XXYLT1: variants seen among roughly 807,000 people sequenced by gnomAD.
XXYLT1 encodes UDP-xylose:alpha-xyloside alpha-1,3-xylosyltransferase.
A neutral mutation model predicts 28.9 loss-of-function variants in XXYLT1; 20 were observed. The ratio of observed to expected loss-of-function variants is 0.69; its 90% confidence interval spans 0.49 to 1.00. The LOEUF is 1.00. Among genes scored for constraint, XXYLT1 ranks in the 50% least tolerant of loss-of-function variants. XXYLT1 has a pLI of 0.00. For missense variants in XXYLT1, 542 were observed against 560.1 expected (o/e 0.97, Z 0.33); for synonymous variants, 257 against 253.8 (o/e 1.01, Z -0.12).
At position 195,195,125 on chromosome 3, in the gene XXYLT1, T is replaced by G. The variant is rs1560146003; in HGVS notation, c.652+31584A>C. On this transcript the variant is annotated intron_variant, in intron 2 of 3. Coordinates refer to ENST00000310380, the MANE Select transcript of XXYLT1 (RefSeq NM_152531.5). The surrounding 1 kb of genome is among the most constrained non-coding windows in gnomAD (Gnocchi z 4.4). ...GTACATAAAAATTCTCTTTAAACCA[T>G]AAAACAGCAGCTGTTACTACAATGG... 6.6e-6 allele frequency among the ~76,000 whole-genome samples: 1 copy of G among 152,056 alleles called. No homozygotes were observed. The highest frequency in any genetic ancestry group is 2.4e-5 in the African/African-American group (1 of 41,372).
chr3:195,093,576 T>C (rs1716235245), intron 3 of XXYLT1, among the ~76,000 whole-genome samples: 1 of 150,384 alleles, frequency 6.6e-6, no homozygotes, highest in African/African-American at 2.5e-5. Context: ...ATATACCTAA[T>C]GCTAGATGAC....
In XXYLT1 at chr3:195,078,017, G is replaced by T. The variant is rs1217646794; in HGVS notation, c.786-7906C>A. ...CCCCGGAGCCTCGGCCCTGGGAGGG[G>T]CAAGGGACAGAGATGAGGGGGAAGA... On this transcript the variant is annotated intron_variant, in intron 3 of 3. Transcript: ENST00000310380. The surrounding 1 kb of genome is among the most constrained non-coding windows in gnomAD (Gnocchi z 5.0). Among the ~76,000 whole-genome samples, 2 of 152,196 alleles carry T rather than the reference G, an allele frequency of 1.3e-5. No homozygotes were observed. The highest frequency in any genetic ancestry group is 2.9e-5 in the Non-Finnish European group (2 of 68,042).
chr3:195,223,796 T>G (rs1723928976), intron 2 of XXYLT1, among the ~76,000 whole-genome samples: 1 of 152,224 alleles, frequency 6.6e-6, no homozygotes, highest in Admixed American at 6.5e-5. Flanking sequence ...CATTTTATTT[T>G]ATGACTATCA....
chr3:195,110,546 G>A (rs558230057), intron 3 of XXYLT1, among the ~76,000 whole-genome samples: 349 of 25,692 alleles, frequency 0.014, 63 homozygotes, highest in African/African-American at 0.032. Flanking sequence ...CGTGTGTGTG[G>A]TGTGTGTGTG....
chr3:195,249,090 A>G (rs970566417), intron 1 of XXYLT1, among the ~76,000 whole-genome samples: 4 of 152,190 alleles, frequency 2.6e-5, no homozygotes, highest in Admixed American at 2.0e-4. Context: ...TGCAGACGGA[A>G]TTGTAGATGC....
chr3:195,100,144 C>T (rs1716696665), intron 3 of XXYLT1, among the ~76,000 whole-genome samples: 1 of 152,176 alleles, frequency 6.6e-6, no homozygotes, highest in Non-Finnish European at 1.5e-5. Context: ...ATCTCCCCGC[C>T]ACCACCGTTC....
In XXYLT1 at chr3:195,182,598, T is replaced by C. The variant is rs367775273; in HGVS notation, c.653-26017A>G. 2.2e-4 allele frequency among the ~76,000 whole-genome samples: 34 copies of C among 152,298 alleles called. No homozygotes were observed. The East Asian group carries it at 4.2e-3, about 19-fold the overall frequency. ...CTCCGTGGAGGAGGAAACATCCTGC[T>C]TGTTTTTCATTCTCCCTCCTCCCCC... On this transcript the variant is annotated intron_variant, in intron 2 of 3. Coordinates refer to ENST00000310380, the MANE Select transcript of XXYLT1 (RefSeq NM_152531.5).
In XXYLT1 at chr3:195,070,000, G is replaced by A. The variant is rs779687500; in HGVS notation, c.897C>T (p.Ala299=). The change falls in exon 4 of 4, where the codon GCC becomes GCT. Residue 299 remains alanine, a synonymous_variant. Transcript: ENST00000310380. ...NSGVMLLNLE[A]MRQSPLYSRL... is the part of the protein sequence containing the mutation. ...GGCTGTAGAGCGGGGACTGGCGCAT[G>A]GCCTCCAGGTTCAGCAACATCACCC... 2 of 1,607,010 alleles carry A rather than the reference G, an allele frequency of 1.2e-6. No individual in the cohort carries two copies. Among genetic ancestry groups the A allele is most frequent in the East Asian group, 2.2e-5 (1 of 44,876 alleles).
intron 2 of XXYLT1, among the ~76,000 whole-genome samples, chr3:195,223,655 C>T (rs1723924187): frequency 3.9e-5 from 6 of 152,154 alleles, no homozygotes; most frequent in Admixed American, 3.9e-4. Context: ...TGTCTGAAAA[C>T]AGAGTGTCCT....
intron 3 of XXYLT1, among the ~76,000 whole-genome samples, chr3:195,144,983 C>T (rs1437133577): frequency 6.6e-6 from 1 of 152,098 alleles, no homozygotes; most frequent in African/African-American, 2.4e-5. Context: ...CTCTACCTTG[C>T]TTAGACGCAA....
At chr3:195,119,169 A>AGT (rs35023665) in intron 3 of XXYLT1, among the ~76,000 whole-genome samples, 77,754 of 150,616 alleles carry the variant, frequency 0.52, 20,797 homozygotes, top group Middle Eastern at 0.56. Context: ...CTGTAATCCC[A>AGT]GCTACTCGGG....
chr3:195,088,638 C>T (rs372342580), intron 3 of XXYLT1, among the ~76,000 whole-genome samples: 6 of 134,820 alleles, frequency 4.5e-5, no homozygotes, highest in South Asian at 5.7e-4. Context: ...TCCAAAGGAA[C>T]GCAGTTCCTC....
intron 3 of XXYLT1, among the ~76,000 whole-genome samples, chr3:195,137,414 T>C (rs1468539131): frequency 6.6e-6 from 1 of 152,220 alleles, no homozygotes; most frequent in African/African-American, 2.4e-5. Context: ...ACTGGTCTTC[T>C]GCACCATGGA....
chr3:195,159,062 T>C (rs542655470), intron 2 of XXYLT1, among the ~76,000 whole-genome samples: 63 of 152,186 alleles, frequency 4.1e-4, no homozygotes, highest in Admixed American at 3.9e-4. Context: ...GTAGGATCAC[T>C]GAAATGTAAG....
intron 1 of XXYLT1, chr3:195,247,786 G>A (rs1179401647): frequency 4.3e-6 from 3 of 702,478 alleles, no homozygotes; most frequent in Admixed American, 2.0e-5. Flanking sequence ...CTGCCTGGCT[G>A]GGGAGGCCTC....
At chr3:195,224,221 G>T (rs1430781049) in intron 2 of XXYLT1, among the ~76,000 whole-genome samples, 1 of 152,218 alleles carries the variant, frequency 6.6e-6, no homozygotes, top group Non-Finnish European at 1.5e-5. Flanking sequence ...TGAAAAGACT[G>T]TGTGTTTGGG....
At chr3:195,073,019 C>A (rs1714913977) in intron 3 of XXYLT1, among the ~76,000 whole-genome samples, 1 of 152,218 alleles carries the variant, frequency 6.6e-6, no homozygotes, top group Non-Finnish European at 1.5e-5. Flanking sequence ...GAAGCCCTCT[C>A]ACACTCTCCA....
chr3:195,228,721 C>T (rs1724169753), intron 1 of XXYLT1, among the ~76,000 whole-genome samples: 1 of 151,956 alleles, frequency 6.6e-6, no homozygotes, highest in Admixed American at 6.6e-5. Context: ...ATCTCCTGAC[C>T]TCGTGATGCG....
chr3:195,212,447 C>T (rs530915137), intron 2 of XXYLT1, among the ~76,000 whole-genome samples: 3 of 152,212 alleles, frequency 2.0e-5, no homozygotes, highest in Non-Finnish European at 4.4e-5. Flanking sequence ...TTTCCCAGGA[C>T]AGCCCTTCAG....
Sources: gnomAD v4.1 joint callset for allele counts (sites outside exome capture counted in the v4.1 genomes callset) on GRCh38, gnomAD v4.1.1 for gene constraint, Gnocchi (gnomAD v3.1) non-coding constraint, MANE v1.5 for transcripts, NCBI Gene and HGNC (gene_info 2026-07-23, HGNC 2026-07-21) for gene names.